Variants in USH1C observed in about 807,000 individuals in gnomAD.
The protein encoded by USH1C is harmonin.
USH1C carries 90 observed loss-of-function variants against 119.3 expected under a neutral mutation model. The ratio of observed to expected loss-of-function variants is 0.75; its 90% CI spans 0.64 to 0.90. The LOEUF is 0.90. Among genes scored for constraint, USH1C ranks in the 40% least tolerant of loss-of-function variants. USH1C has a pLI of 0.00. For missense variants in USH1C, 1,165 were observed against 1,167.7 expected (o/e 1.00, Z 0.03); for synonymous variants, 465 against 443.3 (o/e 1.05, Z -0.62).
chr11:17,521,281 T>A, intron 13 of USH1C, 65 bp downstream of exon 13: 1 of 1,562,486 alleles, frequency 6.4e-7, no homozygotes, highest in Non-Finnish European at 8.8e-7. Context: ...CAGCCTCTGG[T>A]TGGCCACACT....
chr11:17,511,876 G>C (rs1280462816), intron 16 of USH1C, 26 bp downstream of exon 16: 1 of 1,604,712 alleles, frequency 6.2e-7, no homozygotes, highest in South Asian at 1.1e-5. Flanking sequence ...AGGGTTGCTT[G>C]CCTGGCCTGC....
In USH1C at chr11:17,531,953, A is replaced by C. The variant is rs1459911762; in HGVS notation, c.105-411T>G. Among the ~76,000 whole-genome samples, 1 of 152,082 alleles carries C rather than the reference A, an allele frequency of 6.6e-6. No individual in the cohort carries two copies. Among genetic ancestry groups the C allele is most frequent in the Non-Finnish European group, 1.5e-5 (1 of 68,010 alleles). ...CCACAGTTCACATGCCTCCTCCCTC[A>C]TGCTGTTCAGACCTTCGACTGCAGC... On this transcript the variant is annotated intron_variant, in intron 2 of 26. Transcript: ENST00000005226. The surrounding 1 kb of genome is among the most constrained non-coding windows in gnomAD (Gnocchi z 4.2).
chr11:17,509,311 C>A (rs976854620), intron 18 of USH1C, 45 bp downstream of exon 18: 5 of 1,523,416 alleles, frequency 3.3e-6, no homozygotes, highest in Non-Finnish European at 3.5e-6. Context: ...CAGTTCTCCC[C>A]ACTCTTCCTA....
At chr11:17,511,845 A>G in intron 16 of USH1C, 57 bp downstream of exon 16, 3 of 1,574,456 alleles carry the variant, frequency 1.9e-6, no homozygotes, top group Non-Finnish European at 2.6e-6. Flanking sequence ...GAGCACATGG[A>G]GAACGACCAC....
intron 25 of USH1C, among the ~76,000 whole-genome samples, chr11:17,496,556 G>A (rs981335863): frequency 3.3e-5 from 5 of 152,232 alleles, no homozygotes; most frequent in African/African-American, 1.2e-4. Context: ...GGACAAGACT[G>A]CCCGGGAGGC....
rs376631140 is a variant in USH1C, at chr11:17,510,537, G to A, written c.1414-16C>T. On this transcript the variant is annotated splice_polypyrimidine_tract_variant and intron_variant, in intron 16 of 26. Coordinates refer to ENST00000005226, the MANE Select transcript of USH1C (RefSeq NM_153676.4). ...TCTCAGACACCTGGGACCCAGGATC[G>A]GCGCAGAAAGGAGAGGACAAAGGGC... The A allele has an allele frequency of 6.7e-5, 107 of 1,592,638 alleles. 1 individual carries two copies. In the African/African-American group the frequency reaches 8.2e-4, roughly 12 times the overall value.
intron 20 of USH1C, 139 bp downstream of exon 20, chr11:17,504,508 C>CTTG (rs1429632387): frequency 5.4e-6 from 5 of 932,116 alleles, no homozygotes; most frequent in Non-Finnish European, 8.7e-6. Flanking sequence ...ATGGAGGACA[C>CTTG]AGCTCTGGCC....
intron 1 of USH1C, among the ~76,000 whole-genome samples, chr11:17,534,598 G>T (rs72870330): frequency 1.3e-5 from 2 of 152,266 alleles, no homozygotes; most frequent in South Asian, 4.1e-4. Flanking sequence ...GCTAGGGCTG[G>T]GTGCGGTGGC....
chr11:17,505,688 G>T, intron 19 of USH1C, 142 bp downstream of exon 19: 1 of 1,266,314 alleles, frequency 7.9e-7, no homozygotes, highest in Non-Finnish European at 1.1e-6. Context: ...TCATCTCTTG[G>T]CCAATAAGAA....
chr11:17,496,965 A>C, intron 24 of USH1C, 152 bp from the exon 25 acceptor site: 1 of 800,760 alleles, frequency 1.2e-6, no homozygotes, highest in Non-Finnish European at 2.0e-6. Flanking sequence ...TGTGACTTCC[A>C]TGGTCTGAGG....
In USH1C at chr11:17,524,534, T is replaced by A; in HGVS notation, c.676A>T (p.Ile226Phe). The change falls in exon 9 of 27, where the codon ATT becomes TTT. Residue 226 changes from isoleucine (I) to phenylalanine (F), a missense_variant and splice_region_variant. Ile to Phe is a conservative substitution (Grantham distance 21, BLOSUM62 0). Coordinates refer to ENST00000005226, the MANE Select transcript of USH1C (RefSeq NM_153676.4). ...LVGSRGLGCS[I>F]SSGPIQKPGI... is the part of the protein sequence containing the mutation. ...GGCTTCTGGATGGGGCCGCTGGAAATGCTGCGGGAGGTGGGAAATGTGTGC... is the reference window on the plus strand; with the variant it reads ...GGCTTCTGGATGGGGCCGCTGGAAAAGCTGCGGGAGGTGGGAAATGTGTGC... 1 of 1,558,514 alleles carries A rather than the reference T, an allele frequency of 6.4e-7. No homozygotes were observed. The highest frequency in any genetic ancestry group is 1.9e-5 in the Admixed American group (1 of 52,606).
At chr11:17,534,949 T>G (rs995742663) in intron 1 of USH1C, among the ~76,000 whole-genome samples, 63 of 151,104 alleles carry the variant, frequency 4.2e-4, no homozygotes, top group African/African-American at 1.5e-3. Context: ...GTACTAAATC[T>G]TAGGGTGGGA....
chr11:17,519,485 G>A (rs966459539), intron 14 of USH1C, among the ~76,000 whole-genome samples: 2 of 152,166 alleles, frequency 1.3e-5, no homozygotes, highest in African/African-American at 4.8e-5. Flanking sequence ...CTCCTGAGAG[G>A]GTGTGTTTGC....
chr11:17,530,180 G>C (rs1209859101), intron 4 of USH1C, among the ~76,000 whole-genome samples: 1 of 152,198 alleles, frequency 6.6e-6, no homozygotes, highest in Non-Finnish European at 1.5e-5. Flanking sequence ...CCTGGATTGG[G>C]ATGTTGATAA....
rs773312528 is a variant in USH1C, at chr11:17,504,731, G to A, written c.2134-34C>T. 23 of 1,610,408 alleles carry A rather than the reference G, an allele frequency of 1.4e-5. No individual in the cohort carries two copies. In the Admixed American group the frequency reaches 2.5e-4, roughly 18 times the overall value. On this transcript the variant is annotated intron_variant, in intron 19 of 26. Coordinates refer to ENST00000005226, the MANE Select transcript of USH1C (RefSeq NM_153676.4). Reference sequence around the variant, plus strand: ...GGAAAAAAAAAAAAGTTCCACATTGGATGTTACCAATAGGTCTTGGCTGCC... The same window carrying A: ...GGAAAAAAAAAAAAGTTCCACATTGAATGTTACCAATAGGTCTTGGCTGCC...
intron 26 of USH1C, chr11:17,494,854 C>T (rs575136995): frequency 3.4e-5 from 9 of 262,292 alleles, no homozygotes; most frequent in East Asian, 1.8e-4. Flanking sequence ...GCTCTGTCCA[C>T]GGGCACATCC....
Position 17,504,669 on chromosome 11 carries a change from AC to A in USH1C, c.2161del (p.Val721PhefsTer44). The A allele has an allele frequency of 6.2e-7, 1 of 1,613,914 alleles. No homozygotes were observed. Among genetic ancestry groups the A allele is most frequent in the Non-Finnish European group, 8.5e-7 (1 of 1,179,968 alleles). On this transcript the variant is annotated frameshift_variant, in exon 20 of 27. Coordinates refer to ENST00000005226, the MANE Select transcript of USH1C (RefSeq NM_153676.4). LOFTEE classifies it high-confidence loss of function. ...TACTTGTCTGAATGCTGTCTGATAA[AC>A]CACCATCCTCTTCAACATCTCCTGT... ...LPQEMLKRMVVYQTAFRQDFR... is the reference protein window; with the variant it reads ...LPQEMLKRMVXYQTAFRQDFR...
At position 17,505,924 on chromosome 11, in the gene USH1C, G is replaced by T. The variant is rs187147906; in HGVS notation, c.2039C>A (p.Pro680Gln). Residue 680 changes from proline to glutamine, a missense_variant, in exon 19 of 27, where the codon CCA becomes CAA. Pro to Gln is a moderately conservative substitution (Grantham distance 76). Transcript: ENST00000005226. ...PKTFCPSPQP[P>Q]RGPGVSTISK... The stretch of plus-strand genomic sequence containing the variant: ...GATGGTGGACACGCCAGGGCCTCGT[G>T]GAGGCTGTGGGCTTGGGCAAAATGT... 2.5e-5 allele frequency: 41 copies of T among 1,614,224 alleles called. No homozygotes were observed. In the African/African-American group the frequency reaches 4.9e-4, roughly 19 times the overall value.
At chr11:17,494,673 C>T in intron 26 of USH1C, 1 of 470,286 alleles carries the variant, frequency 2.1e-6, no homozygotes, top group Admixed American at 3.3e-5. Flanking sequence ...TAGGGCCATG[C>T]AGGCCACCCC....
Sources: allele counts gnomAD v4.1 joint callset (sites outside exome capture counted in the v4.1 genomes callset), GRCh38; gene constraint gnomAD v4.1.1; non-coding constraint Gnocchi (gnomAD v3.1); transcripts MANE v1.5; gene names NCBI Gene and HGNC (gene_info 2026-07-23, HGNC 2026-07-21).